PRKCA: variants seen among roughly 807,000 people sequenced by gnomAD.
PRKCA encodes the protein protein kinase C alpha.
A neutral mutation model predicts 87.0 loss-of-function variants in PRKCA; 27 were observed. The observed-to-expected ratio is 0.31, with a 90% CI of 0.23 to 0.43. The LOEUF (loss-of-function observed/expected upper bound fraction) is 0.43, where lower values mean the gene tolerates loss of function less well. Ranked by LOEUF, PRKCA falls within the 20% of genes least tolerant of loss-of-function variation. PRKCA has a pLI of 1.00. For synonymous variants in PRKCA, 329 were observed against 311.1 expected (o/e 1.06, Z -0.61); for missense variants, 518 against 852.3 (o/e 0.61, Z 4.88).
chr17:66,637,676 G>A (rs779617274), intron 3 of PRKCA, among the ~76,000 whole-genome samples: 8 of 152,068 alleles, frequency 5.3e-5, no homozygotes, highest in Admixed American at 1.3e-4. Flanking sequence ...TACTCACCTC[G>A]CACCAGTGAC....
intron 5 of PRKCA, among the ~76,000 whole-genome samples, chr17:66,679,520 C>T (rs191662583): frequency 3.3e-5 from 5 of 152,314 alleles, no homozygotes; most frequent in African/African-American, 9.6e-5. Flanking sequence ...CCTTTAAACC[C>T]CTTCACTAAG....
At chr17:66,519,790 G>A (rs79662047) in intron 3 of PRKCA, among the ~76,000 whole-genome samples, 3,491 of 152,282 alleles carry the variant, frequency 0.023, 130 homozygotes, top group African/African-American at 0.079. Flanking sequence ...GCAAGGCAGC[G>A]GCTGGGGCCT....
intron 13 of PRKCA, among the ~76,000 whole-genome samples, chr17:66,750,099 G>C (rs1974396121): frequency 6.6e-6 from 1 of 151,954 alleles, no homozygotes; most frequent in Non-Finnish European, 1.5e-5. Context: ...CGGGCAGTCA[G>C]GCAGTAAATT....
At chr17:66,445,196 TTCCC>T (rs1239605044) in intron 2 of PRKCA, among the ~76,000 whole-genome samples, 1 of 152,180 alleles carries the variant, frequency 6.6e-6, no homozygotes, top group Non-Finnish European at 1.5e-5. Flanking sequence ...GTCTCTCTGG[TTCCC>T]TTCAGCGGGA....
intron 2 of PRKCA, among the ~76,000 whole-genome samples, chr17:66,330,727 A>C (rs1906277681): frequency 6.6e-6 from 1 of 152,176 alleles, no homozygotes; most frequent in Admixed American, 6.5e-5. Flanking sequence ...CACTGACAAT[A>C]ACTAGATTAC....
chr17:66,713,049 CTTTT>C (rs564655403), intron 8 of PRKCA, among the ~76,000 whole-genome samples: 5 of 104,430 alleles, frequency 4.8e-5, no homozygotes, highest in Non-Finnish European at 7.3e-5. Context: ...CTTTGTTGTC[CTTTT>C]TTTTTTTTTT....
chr17:66,544,487 A>T (rs182414515), intron 3 of PRKCA, among the ~76,000 whole-genome samples: 55 of 152,354 alleles, frequency 3.6e-4, no homozygotes, highest in Middle Eastern at 6.8e-3. Flanking sequence ...ATAAAAAGAA[A>T]ATATTCAGTT....
intron 3 of PRKCA, among the ~76,000 whole-genome samples, chr17:66,522,803 G>A (rs1246896665): frequency 2.7e-5 from 4 of 147,548 alleles, no homozygotes; most frequent in African/African-American, 1.0e-4. Flanking sequence ...TGTGTGGGTC[G>A]CTCACTAAAA....
chr17:66,646,154 T>G (rs998547338), intron 5 of PRKCA, among the ~76,000 whole-genome samples: 4 of 152,174 alleles, frequency 2.6e-5, no homozygotes, highest in African/African-American at 9.7e-5. Flanking sequence ...CTCCAGATAC[T>G]GTGCTTATAA....
chr17:66,544,115 G>C (rs113327360), intron 3 of PRKCA, among the ~76,000 whole-genome samples: 5,445 of 152,070 alleles, frequency 0.036, 251 homozygotes, highest in African/African-American at 0.1. Context: ...CTGGGGTGGT[G>C]GGGGGAGCTG....
intron 10 of PRKCA, 78 bp from the exon 11 acceptor site, chr17:66,738,686 A>G: frequency 8.5e-7 from 1 of 1,178,406 alleles, no homozygotes; most frequent in Non-Finnish European, 1.3e-6. Context: ...TGAGAAAGCA[A>G]AACACAACCT....
intron 2 of PRKCA, among the ~76,000 whole-genome samples, chr17:66,431,200 C>T (rs1483955412): frequency 6.6e-6 from 1 of 152,144 alleles, no homozygotes; most frequent in African/African-American, 2.4e-5. Flanking sequence ...ATTTGAAGTT[C>T]CTTGGGCTAC....
At chr17:66,419,648 A>ATT (rs200437506) in intron 2 of PRKCA, among the ~76,000 whole-genome samples, 7 of 151,958 alleles carry the variant, frequency 4.6e-5, no homozygotes, top group Non-Finnish European at 7.4e-5. Flanking sequence ...TTATATGTGA[A>ATT]TTTTTTTTGG....
chr17:66,686,994 C>A, intron 5 of PRKCA, 117 bp from the exon 6 acceptor site: 1 of 921,770 alleles, frequency 1.1e-6, no homozygotes, highest in Non-Finnish European at 1.6e-6. Flanking sequence ...CTTCCACCAT[C>A]TGTCTCCTTA....
intron 2 of PRKCA, among the ~76,000 whole-genome samples, chr17:66,383,150 C>A (rs866530323): frequency 7.2e-6 from 1 of 138,932 alleles, no homozygotes; most frequent in Non-Finnish European, 1.6e-5. Flanking sequence ...TTGTGAATAA[C>A]CTGTAATGAA....
At chr17:66,787,641 A>G (rs9889353) in intron 15 of PRKCA, among the ~76,000 whole-genome samples, 26,602 of 152,118 alleles carry the variant, frequency 0.17, 3,905 homozygotes, top group African/African-American at 0.4. Context: ...CACCCATGTA[A>G]TTGCACCCAG....
intron 5 of PRKCA, among the ~76,000 whole-genome samples, chr17:66,656,885 TG>T (rs1567958943): frequency 1.3e-5 from 2 of 152,216 alleles, no homozygotes; most frequent in Non-Finnish European, 2.9e-5. Flanking sequence ...TGCTGTCCTA[TG>T]GTCCTTTTCA....
intron 3 of PRKCA, among the ~76,000 whole-genome samples, chr17:66,587,807 G>A (rs563135161): frequency 3.7e-5 from 5 of 135,246 alleles, no homozygotes; most frequent in African/African-American, 5.6e-5. Context: ...ACGTATATGT[G>A]TGTGTATATG....
intron 2 of PRKCA, among the ~76,000 whole-genome samples, chr17:66,475,166 G>A (rs547841977): frequency 1.8e-4 from 27 of 152,178 alleles, no homozygotes; most frequent in Non-Finnish European, 3.4e-4. Context: ...TCTCTTGTTG[G>A]AAAACTTATG....
Sources: gnomAD v4.1 joint callset for allele counts (sites outside exome capture counted in the v4.1 genomes callset) on GRCh38, gnomAD v4.1.1 for gene constraint, MANE v1.5 for transcripts, NCBI Gene and HGNC (gene_info 2026-07-23, HGNC 2026-07-21) for gene names.